SPATS2: variants seen among roughly 807,000 people sequenced by gnomAD.
SPATS2 encodes the protein spermatogenesis associated serine rich 2.
SPATS2 carries 38 observed loss-of-function variants against 63.7 expected under a neutral mutation model. The ratio of observed to expected loss-of-function variants is 0.60; its 90% CI spans 0.46 to 0.78. The LOEUF (loss-of-function observed/expected upper bound fraction) is 0.78. SPATS2 is among the 30% of genes least tolerant of loss of function. The pLI is 0.00. For missense variants in SPATS2, 588 were observed against 666.2 expected (o/e 0.88, Z 1.29); for synonymous variants, 207 against 232.9 (o/e 0.89, Z 1.01).
Position 49,430,369 on chromosome 12 carries a change from C to T in SPATS2, c.-243-30401C>T, listed in dbSNP as rs758734040. Among the ~76,000 whole-genome samples, 11 of 151,244 alleles carry T rather than the reference C, an allele frequency of 7.3e-5. No individual in the cohort carries two copies. The East Asian group carries it at 9.8e-4, about 13-fold the overall frequency. ...CGCCGACCTCGGCCTCCCAAAGTGC[C>T]GGGATTACAGGCGTGACCCACCATG... On this transcript the variant is annotated intron_variant, in intron 2 of 13. Coordinates refer to ENST00000552918, the MANE Select transcript of SPATS2 (RefSeq NM_023071.4).
rs559444527 is a variant in SPATS2 at position 49,458,732 on chromosome 12, GTTT to G, written c.-243-2023_-243-2021del. 5.1e-4 allele frequency among the ~76,000 whole-genome samples: 70 copies of G among 136,726 alleles called. No individual in the cohort carries two copies. In the South Asian group the frequency reaches 0.013, roughly 26 times the overall value. The allele number at this position is 136,726 out of a possible 152,430, so 89.7% of individuals were successfully genotyped here. A position where few individuals can be genotyped will look rare whatever the true frequency, so the allele number is the denominator to read the frequency against. Reference sequence around the variant, plus strand: ...AGGTGGAGGTTGCAAATTCCATCTCGTTTTTTTTTTTTTTTTTAATTGTTAGCA... The same window carrying G: ...AGGTGGAGGTTGCAAATTCCATCTCGTTTTTTTTTTTTTTAATTGTTAGCA... On this transcript the variant is annotated intron_variant, in intron 2 of 13. Transcript: ENST00000552918.
intron 11 of SPATS2, among the ~76,000 whole-genome samples, chr12:49,519,746 C>G (rs1299392913): frequency 6.6e-6 from 1 of 152,146 alleles, no homozygotes; most frequent in African/African-American, 2.4e-5. Context: ...CTTCTACACT[C>G]CACAGACACA....
At chr12:49,425,366 A>G (rs1215158523) in intron 2 of SPATS2, among the ~76,000 whole-genome samples, 3 of 152,054 alleles carry the variant, frequency 2.0e-5, no homozygotes, top group African/African-American at 7.2e-5. Context: ...TTTTTTGTAG[A>G]CAGGGTCTCA....
chr12:49,374,821 T>C (rs888980804), intron 2 of SPATS2, among the ~76,000 whole-genome samples: 6 of 151,438 alleles, frequency 4.0e-5, no homozygotes, highest in Middle Eastern at 3.2e-3. Flanking sequence ...ATTAGCCGGG[T>C]GTGTTGGTGC....
At chr12:49,496,538 CT>C (rs1946466641) in intron 7 of SPATS2, among the ~76,000 whole-genome samples, 1 of 152,176 alleles carries the variant, frequency 6.6e-6, no homozygotes, top group Non-Finnish European at 1.5e-5. Flanking sequence ...TACATAGAAA[CT>C]ACCAAGCTAC....
chr12:49,374,629 T>C (rs1417734657), intron 2 of SPATS2, among the ~76,000 whole-genome samples: 1 of 152,154 alleles, frequency 6.6e-6, no homozygotes, highest in Non-Finnish European at 1.5e-5. Flanking sequence ...TAAAGGTAAC[T>C]TCTGCAGCCA....
chr12:49,470,884 A>C (rs1946023431), intron 3 of SPATS2, among the ~76,000 whole-genome samples: 1 of 152,234 alleles, frequency 6.6e-6, no homozygotes, highest in Non-Finnish European at 1.5e-5. Flanking sequence ...ATTTAAGCTC[A>C]GACTTCCTTT....
chr12:49,420,665 A>G (rs1944964647), intron 2 of SPATS2, among the ~76,000 whole-genome samples: 1 of 152,224 alleles, frequency 6.6e-6, no homozygotes, highest in South Asian at 2.1e-4. Context: ...AACCAGTAAG[A>G]AGTTAAAATG....
At chr12:49,482,960 T>C (rs1359205786) in intron 3 of SPATS2, among the ~76,000 whole-genome samples, 2 of 151,610 alleles carry the variant, frequency 1.3e-5, no homozygotes, top group Non-Finnish European at 2.9e-5. Context: ...AGCTAATTTT[T>C]CTCCTTTTTA....
At chr12:49,402,304 G>A (rs997622322) in intron 2 of SPATS2, among the ~76,000 whole-genome samples, 1 of 152,240 alleles carries the variant, frequency 6.6e-6, no homozygotes. Flanking sequence ...TGATTATAAT[G>A]ATGGACCTTG....
At chr12:49,425,756 A>G (rs1945063856) in intron 2 of SPATS2, among the ~76,000 whole-genome samples, 1 of 152,120 alleles carries the variant, frequency 6.6e-6, no homozygotes, top group Non-Finnish European at 1.5e-5. Flanking sequence ...CAGCCTCCCA[A>G]GTAGCTGGGA....
chr12:49,436,698 T>C (rs1945303510), intron 2 of SPATS2, among the ~76,000 whole-genome samples: 2 of 128,846 alleles, frequency 1.6e-5, no homozygotes, highest in Non-Finnish European at 1.6e-5. Context: ...GAGGCGCCCC[T>C]CACCTCCCGG....
At chr12:49,455,945 C>A (rs1386203794) in intron 2 of SPATS2, among the ~76,000 whole-genome samples, 2 of 152,166 alleles carry the variant, frequency 1.3e-5, no homozygotes, top group Non-Finnish European at 1.5e-5. Flanking sequence ...TTCTGGATTT[C>A]CCTTTTAAAT....
chr12:49,500,614 T>C (rs1946549325), intron 9 of SPATS2, among the ~76,000 whole-genome samples: 1 of 151,852 alleles, frequency 6.6e-6, no homozygotes, highest in Non-Finnish European at 1.5e-5. Context: ...CTACTAAAAA[T>C]ACAAAAAATT....
intron 2 of SPATS2, among the ~76,000 whole-genome samples, chr12:49,385,755 A>G (rs375867758): frequency 6.6e-6 from 1 of 152,154 alleles, no homozygotes; most frequent in African/African-American, 2.4e-5. Flanking sequence ...GAATGGCTGC[A>G]GCAGGGAAAT....
intron 3 of SPATS2, among the ~76,000 whole-genome samples, chr12:49,473,500 G>GTA (rs766211736): frequency 6.6e-5 from 10 of 152,180 alleles, no homozygotes; most frequent in African/African-American, 1.4e-4. Flanking sequence ...CTGTTTGACA[G>GTA]TATGTACTGA....
At chr12:49,486,330 C>T (rs953525198) in intron 4 of SPATS2, 11 of 398,512 alleles carry the variant, frequency 2.8e-5, no homozygotes, top group Non-Finnish European at 4.5e-5. Flanking sequence ...CTCAACCTCC[C>T]GTGTAGCTGG....
intron 8 of SPATS2, among the ~76,000 whole-genome samples, chr12:49,499,047 A>G (rs1316860524): frequency 6.6e-6 from 1 of 152,096 alleles, no homozygotes; most frequent in Non-Finnish European, 1.5e-5. Flanking sequence ...TGGCCTCCCA[A>G]AGTGCTGGGA....
intron 8 of SPATS2, among the ~76,000 whole-genome samples, chr12:49,498,145 A>AAAAAAAT (rs66900382): frequency 1.8e-4 from 18 of 98,958 alleles, no homozygotes; most frequent in South Asian, 3.4e-4. Flanking sequence ...AAAAAAAAAA[A>AAAAAAAT]ATATATATAT....
Sources: gnomAD v4.1 joint callset for allele counts (sites outside exome capture counted in the v4.1 genomes callset) on GRCh38, gnomAD v4.1.1 for gene constraint, MANE v1.5 for transcripts, NCBI Gene and HGNC (gene_info 2026-07-23, HGNC 2026-07-21) for gene names.